The following PPARGC1A variants were observed in gnomAD, a reference collection of about 807,000 sequenced individuals.
PPARGC1A encodes peroxisome proliferator-activated receptor gamma coactivator 1-alpha.
In PPARGC1A, 25 loss-of-function variants were observed where a neutral mutation model predicts 88.7. The observed-to-expected ratio is 0.28, with a 90% confidence interval of 0.21 to 0.39. PPARGC1A has a LOEUF of 0.39. Among genes scored for constraint, PPARGC1A ranks in the 10% least tolerant of loss-of-function variants. The pLI is 1.00. For missense variants in PPARGC1A, 880 were observed against 968.7 expected, an observed-to-expected ratio of 0.91 and a Z score of 1.22; for synonymous variants, 363 against 355.6, an observed-to-expected ratio of 1.02 and a Z score of -0.24.
chr4:24,386,780 T>C, the PPARGC1A span, among the ~76,000 whole-genome samples: 2 of 152,240 alleles, frequency 1.3e-5, no homozygotes, highest in Admixed American at 6.5e-5. Context: ...TGCTCATGGA[T>C]AGGATGAATC....
chr4:24,064,451 G>A, the PPARGC1A span, among the ~76,000 whole-genome samples: 1 of 152,158 alleles, frequency 6.6e-6, no homozygotes, highest in Non-Finnish European at 1.5e-5. Context: ...GCACACCACA[G>A]GCTGAGGGGG....
chr4:23,913,255 TATATATATATATAG>T, the PPARGC1A span, among the ~76,000 whole-genome samples: 4 of 45,550 alleles, frequency 8.8e-5, no homozygotes, highest in Non-Finnish European at 1.7e-4. Flanking sequence ...TATATATATA[TATATATATATATAG>T]AGAGAGAGAG....
chr4:24,390,162 A>G, the PPARGC1A span, among the ~76,000 whole-genome samples: 16 of 152,074 alleles, frequency 1.1e-4, no homozygotes, highest in Non-Finnish European at 2.1e-4. Flanking sequence ...TTCATGAAAT[A>G]TGATTATTCC....
chr4:23,828,243 A>G (rs1324833595), intron 5 of PPARGC1A, among the ~76,000 whole-genome samples, 157 bp downstream of exon 5: 2 of 152,172 alleles, frequency 1.3e-5, no homozygotes, highest in Non-Finnish European at 2.9e-5. Flanking sequence ...GTCCAAGGAA[A>G]GGTTTCTTCC....
the PPARGC1A span, among the ~76,000 whole-genome samples, chr4:24,003,971 G>A: frequency 6.6e-6 from 1 of 152,120 alleles, no homozygotes; most frequent in Non-Finnish European, 1.5e-5. Flanking sequence ...AAACAGCAAT[G>A]CAATCTTCAA....
the PPARGC1A span, among the ~76,000 whole-genome samples, chr4:24,319,784 C>G: frequency 6.6e-6 from 1 of 152,196 alleles, no homozygotes; most frequent in Non-Finnish European, 1.5e-5. Flanking sequence ...TTTTTTCCTC[C>G]TATTACGCTG....
the PPARGC1A span, among the ~76,000 whole-genome samples, chr4:24,228,985 A>C: frequency 6.6e-6 from 1 of 151,884 alleles, no homozygotes; most frequent in Non-Finnish European, 1.5e-5. Flanking sequence ...TTTTACAAAC[A>C]CCCCAAGTGA....
At chr4:24,173,391 G>A in the PPARGC1A span, among the ~76,000 whole-genome samples, 1 of 150,004 alleles carries the variant, frequency 6.7e-6, no homozygotes, top group African/African-American at 2.5e-5. Flanking sequence ...GAGAAGGCAA[G>A]CTGTCAAAAC....
chr4:24,388,612 C>G, the PPARGC1A span, among the ~76,000 whole-genome samples: 1 of 152,152 alleles, frequency 6.6e-6, no homozygotes, highest in Admixed American at 6.5e-5. Context: ...AAATGTGACA[C>G]ATATACACCA....
At chr4:23,800,715 G>C (rs552817924) in intron 12 of PPARGC1A, among the ~76,000 whole-genome samples, 49 of 151,486 alleles carry the variant, frequency 3.2e-4, no homozygotes, top group African/African-American at 1.1e-3. Context: ...ATGACAGGCT[G>C]ATACATGATT....
At chr4:24,268,919 G>A in the PPARGC1A span, among the ~76,000 whole-genome samples, 1 of 152,154 alleles carries the variant, frequency 6.6e-6, no homozygotes, top group Admixed American at 6.6e-5. Context: ...CAGGTATAGT[G>A]AAGAACAGAA....
At chr4:24,325,021 C>G in the PPARGC1A span, among the ~76,000 whole-genome samples, 16 of 152,316 alleles carry the variant, frequency 1.1e-4, no homozygotes, top group Admixed American at 2.0e-4. Context: ...AGCCCTCCCC[C>G]ACCTGCCCAG....
At chr4:24,472,789 T>C in the PPARGC1A span, among the ~76,000 whole-genome samples, 98 of 151,426 alleles carry the variant, frequency 6.5e-4, no homozygotes, top group Non-Finnish European at 1.3e-3. This position sits in a 1 kb window ranked among gnomAD's most constrained non-coding sequence, Gnocchi z 4.5. Context: ...TGTGTGTGCG[T>C]GTGCGTGTGT....
chr4:24,036,183 G>GA, the PPARGC1A span, among the ~76,000 whole-genome samples: 1 of 152,166 alleles, frequency 6.6e-6, no homozygotes, highest in African/African-American at 2.4e-5. Flanking sequence ...ATAGAGAATA[G>GA]AAAAGAAATA....
At chr4:23,816,366 T>A (rs777931960) in intron 7 of PPARGC1A, among the ~76,000 whole-genome samples, 1 of 152,236 alleles carries the variant, frequency 6.6e-6, no homozygotes, top group Non-Finnish European at 1.5e-5. Flanking sequence ...TCAACTCTTG[T>A]TTCCTCTCTC....
the PPARGC1A span, among the ~76,000 whole-genome samples, chr4:24,132,348 G>A: frequency 6.6e-6 from 1 of 151,114 alleles, no homozygotes; most frequent in East Asian, 1.9e-4. Flanking sequence ...TTTCTGTTTT[G>A]TGAAGAAAGC....
the PPARGC1A span, among the ~76,000 whole-genome samples, chr4:24,451,646 C>T: frequency 1.3e-4 from 20 of 152,294 alleles, no homozygotes; most frequent in African/African-American, 4.8e-4. Flanking sequence ...GGCACCATCT[C>T]GGCTTACTGC....
At chr4:24,369,932 G>T in the PPARGC1A span, among the ~76,000 whole-genome samples, 8 of 152,304 alleles carry the variant, frequency 5.3e-5, no homozygotes, top group Admixed American at 6.5e-5. Context: ...GCTAGTAGGT[G>T]GGCTCCCACA....
chr4:23,802,010 T>C, intron 11 of PPARGC1A, 129 bp from the exon 12 acceptor site: 1 of 1,318,748 alleles, frequency 7.6e-7, no homozygotes, highest in East Asian at 2.5e-5. Flanking sequence ...TCAGTGTGAT[T>C]GTCCTGTCAA....
Sources: allele counts gnomAD v4.1 joint callset (sites outside exome capture counted in the v4.1 genomes callset), GRCh38; gene constraint gnomAD v4.1.1; non-coding constraint Gnocchi (gnomAD v3.1); transcripts MANE v1.5; gene names NCBI Gene and HGNC (gene_info 2026-07-23, HGNC 2026-07-21).